GRID2: variants seen among roughly 807,000 people sequenced by gnomAD.
GRID2 encodes the protein glutamate ionotropic receptor delta type subunit 2, also known as glutamate receptor ionotropic, delta-2.
In GRID2, 33 loss-of-function variants were observed where a neutral mutation model predicts 114.8. That is an observed-to-expected ratio of 0.29 (90% CI 0.22 to 0.38). The LOEUF (loss-of-function observed/expected upper bound fraction) is 0.38. GRID2 is among the 10% of genes least tolerant of loss of function. The probability of loss-of-function intolerance (pLI) is 1.00; values close to 1 mark genes in which losing one functional copy is unlikely to be tolerated. For synonymous variants in GRID2, 505 were observed against 449.9 expected (o/e 1.12, Z -1.55); for missense variants, 1,184 against 1,257.7 (o/e 0.94, Z 0.89).
At chr4:92,540,216 C>A (rs1356186934) in intron 1 of GRID2, among the ~76,000 whole-genome samples, 1 of 152,098 alleles carries the variant, frequency 6.6e-6, no homozygotes, top group South Asian at 2.1e-4. Context: ...TAGGCAATAC[C>A]ATTCAGGACA....
intron 2 of GRID2, among the ~76,000 whole-genome samples, chr4:92,776,441 C>G (rs1428740926): frequency 6.6e-6 from 1 of 152,012 alleles, no homozygotes; most frequent in Non-Finnish European, 1.5e-5. Context: ...GACATCCACA[C>G]ATACAGCTAC....
intron 4 of GRID2, among the ~76,000 whole-genome samples, chr4:93,132,467 A>T (rs1445888722): frequency 1.3e-5 from 2 of 152,312 alleles, no homozygotes; most frequent in East Asian, 3.9e-4. Flanking sequence ...TGAACTATTG[A>T]AAATCCTTTG....
chr4:93,690,545 A>G (rs1726468678), intron 14 of GRID2, among the ~76,000 whole-genome samples: 1 of 151,960 alleles, frequency 6.6e-6, no homozygotes, highest in African/African-American at 2.4e-5. Flanking sequence ...AAACTGGCAA[A>G]TTGCTTTCCT....
intron 8 of GRID2, among the ~76,000 whole-genome samples, chr4:93,383,302 T>C (rs1253696941): frequency 6.6e-6 from 1 of 152,170 alleles, no homozygotes; most frequent in Non-Finnish European, 1.5e-5. Flanking sequence ...ATATTTGGAT[T>C]ATAACATTCC....
At chr4:93,138,666 C>T (rs146828288) in intron 4 of GRID2, among the ~76,000 whole-genome samples, 4 of 152,310 alleles carry the variant, frequency 2.6e-5, no homozygotes, top group African/African-American at 9.6e-5. Flanking sequence ...CCTCACACAA[C>T]TTCACTGTTC....
At chr4:92,779,596 T>A (rs1228664858) in intron 2 of GRID2, among the ~76,000 whole-genome samples, 1 of 152,030 alleles carries the variant, frequency 6.6e-6, no homozygotes, top group Non-Finnish European at 1.5e-5. Flanking sequence ...ATGGCTTCCA[T>A]CCTAAAGATC....
chr4:93,521,400 G>A (rs1398225083), intron 13 of GRID2, among the ~76,000 whole-genome samples: 1 of 152,120 alleles, frequency 6.6e-6, no homozygotes, highest in Non-Finnish European at 1.5e-5. Flanking sequence ...AAAGCATCAG[G>A]AAACTATCAG....
intron 1 of GRID2, among the ~76,000 whole-genome samples, chr4:92,401,813 G>C (rs1007997315): frequency 1.1e-4 from 16 of 152,114 alleles, no homozygotes; most frequent in African/African-American, 3.9e-4. Context: ...GTGGCTGTGG[G>C]AATTTCTTAG....
At chr4:93,629,433 G>T (rs1444151875) in intron 14 of GRID2, among the ~76,000 whole-genome samples, 1 of 152,092 alleles carries the variant, frequency 6.6e-6, no homozygotes, top group Non-Finnish European at 1.5e-5. Flanking sequence ...ATACACATGT[G>T]CCACATTAAT....
At chr4:93,586,769 T>C (rs936189858) in intron 13 of GRID2, among the ~76,000 whole-genome samples, 4 of 152,078 alleles carry the variant, frequency 2.6e-5, no homozygotes, top group Non-Finnish European at 5.9e-5. Flanking sequence ...ACTTGTAAGA[T>C]CAGGACACAA....
intron 1 of GRID2, among the ~76,000 whole-genome samples, chr4:92,415,292 A>C (rs1177460840): frequency 6.6e-6 from 1 of 151,886 alleles, no homozygotes; most frequent in African/African-American, 2.4e-5. Flanking sequence ...CTCTACAACA[A>C]ATATAGATTT....
At chr4:92,447,906 G>A (rs1376172973) in intron 1 of GRID2, among the ~76,000 whole-genome samples, 1 of 152,156 alleles carries the variant, frequency 6.6e-6, no homozygotes, top group East Asian at 1.9e-4. Flanking sequence ...AGAAATTTGG[G>A]GTGGAGGAGG....
chr4:93,309,274 C>A (rs367565822), intron 8 of GRID2, among the ~76,000 whole-genome samples: 3 of 152,156 alleles, frequency 2.0e-5, no homozygotes, highest in African/African-American at 7.2e-5. Flanking sequence ...GTGGCTCACA[C>A]CTGTAATCCC....
intron 8 of GRID2, among the ~76,000 whole-genome samples, chr4:93,392,527 A>G (rs756679394): frequency 1.3e-5 from 2 of 152,182 alleles, no homozygotes; most frequent in African/African-American, 2.4e-5. Context: ...TTATAATCAA[A>G]CAAAAAAGCT....
At chr4:92,458,883 T>A (rs1721340876) in intron 1 of GRID2, among the ~76,000 whole-genome samples, 1 of 152,130 alleles carries the variant, frequency 6.6e-6, no homozygotes, top group Admixed American at 6.6e-5. Flanking sequence ...AAATAAAATG[T>A]CCTTAAAGAA....
chr4:92,962,440 A>G (rs1417522927), intron 2 of GRID2, among the ~76,000 whole-genome samples: 2 of 151,680 alleles, frequency 1.3e-5, no homozygotes, highest in South Asian at 4.1e-4. Context: ...CTTTAATAGG[A>G]TAGCTAGAAT....
At chr4:93,415,078 A>G (rs1767573740) in intron 9 of GRID2, among the ~76,000 whole-genome samples, 1 of 152,104 alleles carries the variant, frequency 6.6e-6, no homozygotes. Context: ...TACTTCTTAT[A>G]ATATTTTAAC....
chr4:93,350,820 A>T (rs954862526), intron 8 of GRID2, among the ~76,000 whole-genome samples: 5 of 152,080 alleles, frequency 3.3e-5, no homozygotes, highest in African/African-American at 1.2e-4. Flanking sequence ...TTTAATGTTT[A>T]TCACTGTATT....
Position 93,459,209 on chromosome 4 carries a change from A to G in GRID2, c.1858+3235A>G, listed in dbSNP as rs188501336. The stretch of plus-strand genomic sequence containing the variant: ...AAAAAAAAAAAAAAAAAAAAAAAAG[A>G]TAGAGTAGTTAGGAGAGAGTAGTAG... On this transcript the variant is annotated intron_variant, in intron 11 of 15. Coordinates refer to ENST00000282020, the MANE Select transcript of GRID2 (RefSeq NM_001510.4). 5.9e-3 allele frequency among the ~76,000 whole-genome samples: 825 copies of G among 139,396 alleles called. 11 individuals carry two copies. Among genetic ancestry groups the G allele is most frequent in the African/African-American group, 0.02 (783 of 38,224 alleles). The allele number at this position is 139,396 out of a possible 152,430, so 91.4% of individuals were successfully genotyped here. A position where few individuals can be genotyped will look rare whatever the true frequency, so the allele number is the denominator to read the frequency against.
Sources: gnomAD v4.1 joint callset for allele counts (sites outside exome capture counted in the v4.1 genomes callset) on GRCh38, gnomAD v4.1.1 for gene constraint, MANE v1.5 for transcripts, NCBI Gene and HGNC (gene_info 2026-07-23, HGNC 2026-07-21) for gene names.